ZFYVE9: variants seen among roughly 807,000 people sequenced by gnomAD.
ZFYVE9 encodes zinc finger FYVE domain-containing protein 9.
A neutral mutation model predicts 126.7 loss-of-function variants in ZFYVE9; 43 were observed. That is an observed-to-expected ratio of 0.34 (90% CI 0.27 to 0.44). The LOEUF is 0.44. Ranked by LOEUF, ZFYVE9 falls within the 20% of genes least tolerant of loss-of-function variation. The probability of loss-of-function intolerance (pLI) is 1.00; values close to 1 mark genes in which losing one functional copy is unlikely to be tolerated. For missense variants in ZFYVE9, 1,476 were observed against 1,697.0 expected, an observed-to-expected ratio of 0.87 and a Z score of 2.29; for synonymous variants, 521 against 597.4, an observed-to-expected ratio of 0.87 and a Z score of 1.87.
At chr1:52,176,003 G>C (rs1170704681) in intron 1 of ZFYVE9, among the ~76,000 whole-genome samples, 2 of 152,184 alleles carry the variant, frequency 1.3e-5, no homozygotes, top group Non-Finnish European at 2.9e-5. Context: ...GCTCGTCAAA[G>C]TCATTCTCCA....
chr1:52,330,901 G>A (rs775307277), intron 13 of ZFYVE9, among the ~76,000 whole-genome samples: 2 of 152,028 alleles, frequency 1.3e-5, no homozygotes, highest in Non-Finnish European at 2.9e-5. Context: ...TAGTCTCCCT[G>A]TGTTCCCCAG....
chr1:52,256,261 G>T (rs1334762096), intron 4 of ZFYVE9, among the ~76,000 whole-genome samples: 1 of 151,896 alleles, frequency 6.6e-6, no homozygotes, highest in African/African-American at 2.4e-5. Context: ...TAGAGACGGG[G>T]TTTCACCATG....
chr1:52,278,888 G>A (rs1366594041), intron 9 of ZFYVE9, among the ~76,000 whole-genome samples: 2 of 151,504 alleles, frequency 1.3e-5, no homozygotes, highest in Non-Finnish European at 2.9e-5. Flanking sequence ...CCGCCACCAC[G>A]CCCGGCTAAT....
At chr1:52,254,080 T>C in intron 4 of ZFYVE9, 2 of 772,306 alleles carry the variant, frequency 2.6e-6, no homozygotes, top group Non-Finnish European at 4.4e-6. Context: ...CACCCACCCA[T>C]ATGAGACAAA....
intron 13 of ZFYVE9, among the ~76,000 whole-genome samples, chr1:52,327,886 A>G (rs1646307210): frequency 6.6e-6 from 1 of 151,100 alleles, no homozygotes; most frequent in African/African-American, 2.4e-5. Context: ...AGGAAGGAGA[A>G]TCGCGTGAAC....
At chr1:52,251,054 T>C (rs559340340) in intron 4 of ZFYVE9, among the ~76,000 whole-genome samples, 1 of 144,550 alleles carries the variant, frequency 6.9e-6, no homozygotes, top group East Asian at 2.0e-4. Context: ...GTTGTTGTTG[T>C]TGTTGTTGTT....
chr1:52,230,114 T>G (rs1257379613), intron 2 of ZFYVE9, among the ~76,000 whole-genome samples: 1 of 152,150 alleles, frequency 6.6e-6, no homozygotes, highest in African/African-American at 2.4e-5. Flanking sequence ...GTGATCTGCC[T>G]GCCTTGGCCT....
chr1:52,330,113 T>A (rs1267669011), intron 13 of ZFYVE9, among the ~76,000 whole-genome samples: 2 of 151,174 alleles, frequency 1.3e-5, no homozygotes, highest in African/African-American at 4.9e-5. Context: ...GTGCGATGGC[T>A]CACGCCTATA....
At chr1:52,160,156 A>G in intron 1 of ZFYVE9, 1 of 628,354 alleles carries the variant, frequency 1.6e-6, no homozygotes, top group South Asian at 2.0e-5. Flanking sequence ...TCTCTGGAGT[A>G]GCTGTGAAGC....
chr1:52,213,026 C>T (rs1164434298), intron 1 of ZFYVE9, among the ~76,000 whole-genome samples: 1 of 152,208 alleles, frequency 6.6e-6, no homozygotes, highest in East Asian at 1.9e-4. Context: ...ATTTACTAAA[C>T]TTCTTTTGTT....
chr1:52,250,809 A>G (rs1227907338), intron 4 of ZFYVE9, among the ~76,000 whole-genome samples: 1 of 151,490 alleles, frequency 6.6e-6, no homozygotes, highest in Non-Finnish European at 1.5e-5. Flanking sequence ...TCCTGGGCTC[A>G]AGGTATCCTC....
chr1:52,317,629 A>G (rs962609873), intron 13 of ZFYVE9, among the ~76,000 whole-genome samples: 6 of 152,182 alleles, frequency 3.9e-5, no homozygotes, highest in Non-Finnish European at 8.8e-5. Flanking sequence ...AGACAAAAAC[A>G]ATAAAGAAAA....
chr1:52,215,921 A>G (rs2124594224), intron 1 of ZFYVE9, among the ~76,000 whole-genome samples: 1 of 152,356 alleles, frequency 6.6e-6, no homozygotes, highest in South Asian at 2.1e-4. Flanking sequence ...GGCAATAAAA[A>G]TCACAACTGG....
intron 13 of ZFYVE9, among the ~76,000 whole-genome samples, chr1:52,324,059 CA>C (rs924630491): frequency 2.7e-3 from 358 of 131,582 alleles, no homozygotes; most frequent in African/African-American, 5.3e-3. Context: ...GACTCAGTCT[CA>C]AAAAAAAAAA....
At chr1:52,321,197 A>G (rs1569751923) in intron 13 of ZFYVE9, among the ~76,000 whole-genome samples, 1 of 152,204 alleles carries the variant, frequency 6.6e-6, no homozygotes, top group African/African-American at 2.4e-5. Context: ...TTTTAATTTG[A>G]AACTACACAT....
chr1:52,249,654 T>C (rs1266526588), intron 4 of ZFYVE9, among the ~76,000 whole-genome samples: 1 of 152,322 alleles, frequency 6.6e-6, no homozygotes, highest in South Asian at 2.1e-4. Context: ...CATTTTCTTT[T>C]GTTGCCTGTG....
intron 4 of ZFYVE9, among the ~76,000 whole-genome samples, chr1:52,255,967 T>G (rs1028221078): frequency 1.7e-5 from 2 of 120,764 alleles, no homozygotes; most frequent in Non-Finnish European, 1.6e-5. Context: ...TCTTTTCTTT[T>G]CTTTCTTTCT....
chr1:52,307,512 C>T (rs529208159), intron 13 of ZFYVE9, among the ~76,000 whole-genome samples: 1 of 152,196 alleles, frequency 6.6e-6, no homozygotes, highest in Non-Finnish European at 1.5e-5. Flanking sequence ...GCTAGAATTA[C>T]AGGTGTGTGC....
chr1:52,232,728 C>CA (rs552213191), intron 2 of ZFYVE9, among the ~76,000 whole-genome samples: 4,024 of 26,828 alleles, frequency 0.15, 614 homozygotes, highest in African/African-American at 0.25. Context: ...GACTCTGTCT[C>CA]AAAAAAAAAA....
Sources: allele counts gnomAD v4.1 joint callset (sites outside exome capture counted in the v4.1 genomes callset), GRCh38; gene constraint gnomAD v4.1.1; transcripts MANE v1.5; gene names NCBI Gene and HGNC (gene_info 2026-07-23, HGNC 2026-07-21).